ATRNL1: variants seen among roughly 807,000 people sequenced by gnomAD.
ATRNL1 encodes attractin like 1, also known as attractin-like protein 1.
In ATRNL1, 95 loss-of-function variants were observed where a neutral mutation model predicts 182.7. The observed-to-expected ratio is 0.52, with a 90% CI of 0.44 to 0.62. The LOEUF (loss-of-function observed/expected upper bound fraction) is 0.62, where lower values mean the gene tolerates loss of function less well. ATRNL1 is among the 20% of genes least tolerant of loss of function. The pLI, the probability that ATRNL1 is intolerant of heterozygous loss-of-function variation, is 0.00. For missense variants in ATRNL1, 1,471 were observed against 1,679.5 expected (o/e 0.88, Z 2.17); for synonymous variants, 576 against 568.3 (o/e 1.01, Z -0.19).
intron 8 of ATRNL1, among the ~76,000 whole-genome samples, chr10:115,214,581 T>C (rs1357426578): frequency 6.6e-6 from 1 of 152,102 alleles, no homozygotes; most frequent in Non-Finnish European, 1.5e-5. Flanking sequence ...ATTATCATTT[T>C]CTATTAGTTG....
At chr10:115,581,715 G>T (rs561580169) in intron 26 of ATRNL1, among the ~76,000 whole-genome samples, 2 of 151,298 alleles carry the variant, frequency 1.3e-5, no homozygotes, top group East Asian at 4.0e-4. Flanking sequence ...ACAAAGTTCG[G>T]AAGATATGTA....
In ATRNL1 at chr10:115,854,337, C is replaced by T. The variant is rs570175244; in HGVS notation, c.4018+6346C>T. On this transcript the variant is annotated intron_variant, in intron 28 of 28. Coordinates refer to ENST00000355044, the MANE Select transcript of ATRNL1 (RefSeq NM_207303.4). ...ACCTCCCCACCTTCTGGAAACCTTC[C>T]CCTCCTCTGTTGTTTTGTGCCTTGA... Among the ~76,000 whole-genome samples the T allele has an allele frequency of 1.4e-3, 216 of 152,260 alleles. 2 individuals are homozygous for T. The highest frequency in any genetic ancestry group is 5.2e-3 in the South Asian group (25 of 4,830).
chr10:115,486,079 C>T (rs1849008356), intron 24 of ATRNL1, among the ~76,000 whole-genome samples: 1 of 152,086 alleles, frequency 6.6e-6, no homozygotes, highest in Admixed American at 6.6e-5. Context: ...ATGAACTCAT[C>T]ATTTTTTATG....
Position 115,711,263 on chromosome 10 carries a change from A to G in ATRNL1, c.3796-15985A>G, listed in dbSNP as rs1376936655. On this transcript the variant is annotated intron_variant, in intron 26 of 28. Coordinates refer to ENST00000355044, the MANE Select transcript of ATRNL1 (RefSeq NM_207303.4). ...TTTTGTCACCTGCCATGGATAATAC[A>G]TTAAGGTATGCTGCCTCCTGTGGGT... is the stretch of plus-strand genomic sequence containing the variant. Among the ~76,000 whole-genome samples, 9 of 152,156 alleles carry G rather than the reference A, an allele frequency of 5.9e-5. 1 individual carries two copies. Among genetic ancestry groups the G allele is most frequent in the African/African-American group, 2.2e-4 (9 of 41,446 alleles).
chr10:115,271,727 G>C (rs1554913158), intron 13 of ATRNL1, among the ~76,000 whole-genome samples: 1 of 152,016 alleles, frequency 6.6e-6, no homozygotes, highest in African/African-American at 2.4e-5. Flanking sequence ...TTTATCTGTT[G>C]GGGTGACTCA....
chr10:115,107,749 C>T (rs1277227716), intron 1 of ATRNL1, among the ~76,000 whole-genome samples: 2 of 152,238 alleles, frequency 1.3e-5, no homozygotes, highest in Non-Finnish European at 2.9e-5. Flanking sequence ...GAATTGGCAC[C>T]ACATGGATGG....
chr10:115,206,693 T>C (rs946190763), intron 8 of ATRNL1, among the ~76,000 whole-genome samples: 44 of 152,322 alleles, frequency 2.9e-4, no homozygotes, highest in African/African-American at 9.9e-4. Flanking sequence ...TAATATTCTT[T>C]TTTTAAATTA....
At chr10:115,943,676 AG>A (rs1362411784) in intron 28 of ATRNL1, among the ~76,000 whole-genome samples, 2 of 151,528 alleles carry the variant, frequency 1.3e-5, no homozygotes, top group Non-Finnish European at 2.9e-5. Context: ...TCAGGCTCCT[AG>A]GTACTTATGA....
Position 115,575,399 on chromosome 10 carries a change from G to T in ATRNL1, c.3795+25863G>T, listed in dbSNP as rs1050875299. ...AGAACTCTGCCCTAACTAGGATTAAGTTGAGAAGTAAACTCTGTATACTTT... is the reference window on the plus strand; with the variant it reads ...AGAACTCTGCCCTAACTAGGATTAATTTGAGAAGTAAACTCTGTATACTTT... On this transcript the variant is annotated intron_variant, in intron 26 of 28. Transcript: ENST00000355044. Among the ~76,000 whole-genome samples, 3 of 152,144 alleles carry T rather than the reference G, an allele frequency of 2.0e-5. No homozygotes were observed. In the South Asian group the frequency reaches 6.2e-4, roughly 31 times the overall value.
At chr10:115,553,198 T>C (rs1189498041) in intron 26 of ATRNL1, among the ~76,000 whole-genome samples, 4 of 151,296 alleles carry the variant, frequency 2.6e-5, no homozygotes, top group Non-Finnish European at 4.5e-5. Context: ...CATATTTTAA[T>C]AGTTACAAGA....
At chr10:115,737,513 A>G (rs1555066353) in intron 27 of ATRNL1, among the ~76,000 whole-genome samples, 5 of 151,800 alleles carry the variant, frequency 3.3e-5, no homozygotes, top group Non-Finnish European at 7.4e-5. Context: ...CACTATCTGT[A>G]GTTGTCTCCT....
chr10:115,773,182 G>A (rs76570775), intron 27 of ATRNL1, among the ~76,000 whole-genome samples: 3,206 of 152,268 alleles, frequency 0.021, 80 homozygotes, highest in African/African-American at 0.061. Context: ...AAAGGGAAGT[G>A]CACATTGTAT....
chr10:115,873,450 C>A (rs782146296), intron 28 of ATRNL1, among the ~76,000 whole-genome samples: 3 of 152,160 alleles, frequency 2.0e-5, no homozygotes, highest in Non-Finnish European at 4.4e-5. Context: ...GCCTTTTTGT[C>A]TTTACCACCC....
At position 115,764,905 on chromosome 10, in the gene ATRNL1, C is replaced by T. The variant is rs574045508; in HGVS notation, c.3903+37550C>T. Among the ~76,000 whole-genome samples, 3 of 152,300 alleles carry T rather than the reference C, an allele frequency of 2.0e-5. No homozygotes were observed. The South Asian group carries it at 6.2e-4, about 32-fold the overall frequency. On this transcript the variant is annotated intron_variant, in intron 27 of 28. Coordinates refer to ENST00000355044, the MANE Select transcript of ATRNL1 (RefSeq NM_207303.4). ...GCCAGGCTGGTCTCAAACTCCTGAC[C>T]TCAGGCAATCCGCCCGCCTTGGCCT... is the stretch of plus-strand genomic sequence containing the variant.
chr10:115,938,118 G>A (rs549338351), intron 28 of ATRNL1, among the ~76,000 whole-genome samples: 2 of 152,280 alleles, frequency 1.3e-5, no homozygotes, highest in South Asian at 2.1e-4. Context: ...TATATAAAGC[G>A]GGAATGTTCT....
rs570483255 is a variant in ATRNL1 at position 115,624,091 on chromosome 10, A to G, written c.3795+74555A>G. Among the ~76,000 whole-genome samples, 6 of 152,068 alleles carry G rather than the reference A, an allele frequency of 3.9e-5. No homozygotes were observed. The South Asian group carries it at 1.0e-3, about 26-fold the overall frequency. On this transcript the variant is annotated intron_variant, in intron 26 of 28. Transcript: ENST00000355044. Reference sequence around the variant, plus strand: ...ATTATTTTTCTATATCTATTGCTGAATTTATGTATTTATTTTTTAATATAT... The same window carrying G: ...ATTATTTTTCTATATCTATTGCTGAGTTTATGTATTTATTTTTTAATATAT...
At chr10:115,440,298 T>C (rs1254598065) in intron 21 of ATRNL1, among the ~76,000 whole-genome samples, 3 of 151,894 alleles carry the variant, frequency 2.0e-5, no homozygotes, top group Non-Finnish European at 2.9e-5. Context: ...GAGAATAATA[T>C]TTAGAAACCA....
chr10:115,476,765 C>CT lies in ATRNL1; in HGVS notation c.3654+7444dup, dbSNP rs558964645. On this transcript the variant is annotated intron_variant, in intron 24 of 28. Transcript: ENST00000355044. ...TGCAAATGACCTTTCTGGCCTTAAC[C>CT]TTTTTTTTAACTCTTGCTTAGCTTT... 2.1e-4 allele frequency among the ~76,000 whole-genome samples: 32 copies of CT among 151,024 alleles called. 1 individual carries two copies. In the South Asian group the frequency reaches 4.4e-3, roughly 21 times the overall value.
At chr10:115,659,493 T>C (rs1304591385) in intron 26 of ATRNL1, among the ~76,000 whole-genome samples, 6 of 152,242 alleles carry the variant, frequency 3.9e-5, no homozygotes, top group Middle Eastern at 3.4e-3. Context: ...AAGGAAAATA[T>C]ATCCATGTAA....
Sources: allele counts gnomAD v4.1 joint callset (sites outside exome capture counted in the v4.1 genomes callset), GRCh38; gene constraint gnomAD v4.1.1; transcripts MANE v1.5; gene names NCBI Gene and HGNC (gene_info 2026-07-23, HGNC 2026-07-21).